Variants in PHF21A observed in about 807,000 individuals in gnomAD.
The protein encoded by PHF21A is BHC80a.
In PHF21A, 11 loss-of-function variants were observed where a neutral mutation model predicts 82.5. That is an observed-to-expected ratio of 0.13 (90% CI 0.08 to 0.22). The LOEUF is 0.22. Among genes scored for constraint, PHF21A ranks in the 10% least tolerant of loss-of-function variants. The pLI is 1.00. For synonymous variants in PHF21A, 297 were observed against 302.8 expected (o/e 0.98, Z 0.20); for missense variants, 579 against 837.8 (o/e 0.69, Z 3.81).
chr11:45,958,449 T>TATACACAC (rs780397923), intron 10 of PHF21A, among the ~76,000 whole-genome samples: 258 of 14,974 alleles, frequency 0.017, 13 homozygotes, highest in East Asian at 0.075. Flanking sequence ...TATATATATA[T>TATACACAC]ACACACACAC....
rs370478347 is a variant in PHF21A, at chr11:46,099,239, T to C, written c.-236-7016A>G. On this transcript the variant is annotated intron_variant, in intron 1 of 18. Transcript: ENST00000676320. ...CCAGAAGCTTATCCAGAGAAACACA[T>C]GCACACAAAACAAAACTCAACTCCT... Among the ~76,000 whole-genome samples the C allele has an allele frequency of 1.7e-4, 26 of 152,106 alleles. 1 individual carries two copies. In the East Asian group the frequency reaches 3.1e-3, roughly 18 times the overall value.
chr11:46,046,091 A>G (rs1434402858), intron 6 of PHF21A, among the ~76,000 whole-genome samples: 2 of 152,192 alleles, frequency 1.3e-5, no homozygotes, highest in African/African-American at 2.4e-5. Context: ...TACCAAACTT[A>G]TTTGAAAGCT....
At chr11:45,935,866 G>C (rs1418782230) in intron 17 of PHF21A, 127 bp from the exon 18 acceptor site, 5 of 617,332 alleles carry the variant, frequency 8.1e-6, no homozygotes, top group Non-Finnish European at 1.1e-5. Flanking sequence ...CTACAACCCA[G>C]TGCAGAGAAT....
chr11:46,084,965 C>T (rs1036781696), intron 3 of PHF21A, among the ~76,000 whole-genome samples: 1 of 151,998 alleles, frequency 6.6e-6, no homozygotes, highest in African/African-American at 2.4e-5. Flanking sequence ...CAGGCGTGAG[C>T]CACTGCGCTG....
intron 6 of PHF21A, among the ~76,000 whole-genome samples, chr11:46,020,952 T>G (rs964609041): frequency 2.6e-5 from 4 of 152,018 alleles, no homozygotes; most frequent in African/African-American, 9.7e-5. Context: ...AAGTCGAAAG[T>G]GCATTTTCCA....
intron 7 of PHF21A, among the ~76,000 whole-genome samples, chr11:45,975,709 C>T (rs952299848): frequency 6.6e-6 from 1 of 152,102 alleles, no homozygotes; most frequent in African/African-American, 2.4e-5. Flanking sequence ...GATTGGAAAA[C>T]TTTTAAAATA....
intron 6 of PHF21A, among the ~76,000 whole-genome samples, chr11:45,993,420 G>A (rs991335028): frequency 3.2e-4 from 49 of 152,242 alleles, no homozygotes; most frequent in African/African-American, 1.2e-3. Flanking sequence ...GATGGGGAGA[G>A]TGAGGCACAT....
intron 15 of PHF21A, 39 bp from the exon 16 acceptor site, chr11:45,938,351 A>G: frequency 6.4e-7 from 1 of 1,567,902 alleles, no homozygotes; most frequent in East Asian, 2.3e-5. Context: ...AAGGACAAAA[A>G]AGGTAAAATT....
At chr11:46,082,997 T>G (rs1195558168) in intron 4 of PHF21A, among the ~76,000 whole-genome samples, 1 of 152,194 alleles carries the variant, frequency 6.6e-6, no homozygotes, top group Non-Finnish European at 1.5e-5. Flanking sequence ...CAAAATTCAT[T>G]CTATGATGAT....
intron 10 of PHF21A, among the ~76,000 whole-genome samples, chr11:45,960,370 T>A: frequency 6.6e-6 from 1 of 152,156 alleles, no homozygotes; most frequent in East Asian, 1.9e-4. Context: ...CCATTTAAAA[T>A]AGAAGGGGGC....
intron 11 of PHF21A, among the ~76,000 whole-genome samples, chr11:45,951,490 A>T (rs2092104683): frequency 6.6e-6 from 1 of 152,352 alleles, no homozygotes; most frequent in Non-Finnish European, 1.5e-5. Flanking sequence ...TGACAGCCAG[A>T]TTAGTCTGGT....
intron 5 of PHF21A, among the ~76,000 whole-genome samples, chr11:46,078,587 T>A (rs1249210040): frequency 1.3e-5 from 2 of 152,172 alleles, no homozygotes; most frequent in East Asian, 1.9e-4. Flanking sequence ...TCTCTGTTAA[T>A]TTTTCTGTTA....
At chr11:46,018,087 A>G (rs1009712537) in intron 6 of PHF21A, among the ~76,000 whole-genome samples, 3 of 151,750 alleles carry the variant, frequency 2.0e-5, no homozygotes, top group African/African-American at 7.3e-5. Flanking sequence ...CGTCTCTACT[A>G]AAAATACAAA....
At chr11:46,101,014 G>GA (rs1236392651) in intron 1 of PHF21A, among the ~76,000 whole-genome samples, 1 of 152,182 alleles carries the variant, frequency 6.6e-6, no homozygotes, top group Non-Finnish European at 1.5e-5. Context: ...AGGAAGTGCG[G>GA]AACAAGACTT....
intron 9 of PHF21A, 83 bp downstream of exon 9, chr11:45,969,732 C>T (rs2093646900): frequency 1.1e-6 from 1 of 882,134 alleles, no homozygotes; most frequent in Non-Finnish European, 1.9e-6. Context: ...GCTGACAAGC[C>T]CCATTACAGG....
At chr11:46,011,440 G>C (rs1412046768) in intron 6 of PHF21A, among the ~76,000 whole-genome samples, 47 of 152,152 alleles carry the variant, frequency 3.1e-4, no homozygotes, top group Non-Finnish European at 1.6e-4. Flanking sequence ...AGCAGTGAGC[G>C]GAGATGGTGC....
At chr11:45,948,828 A>AAC (rs1554987840) in intron 14 of PHF21A, 58 bp downstream of exon 14, 2 of 1,239,956 alleles carry the variant, frequency 1.6e-6, no homozygotes, top group East Asian at 2.3e-5. Context: ...AAGGAGAAGA[A>AAC]ACACACACAC....
chr11:46,098,137 T>C (rs2097028205), intron 1 of PHF21A, among the ~76,000 whole-genome samples: 1 of 152,166 alleles, frequency 6.6e-6, no homozygotes, highest in African/African-American at 2.4e-5. Context: ...ATCCATACCT[T>C]CATTTCATGG....
At chr11:46,104,142 T>C (rs1049190193) in intron 1 of PHF21A, among the ~76,000 whole-genome samples, 7 of 152,182 alleles carry the variant, frequency 4.6e-5, no homozygotes, top group African/African-American at 1.7e-4. Flanking sequence ...AGAAAGCAAA[T>C]AAACTGTGCC....
Sources: gnomAD v4.1 joint callset for allele counts (sites outside exome capture counted in the v4.1 genomes callset) on GRCh38, gnomAD v4.1.1 for gene constraint, MANE v1.5 for transcripts, NCBI Gene and HGNC (gene_info 2026-07-23, HGNC 2026-07-21) for gene names.